RALGPS2: variants seen among roughly 807,000 people sequenced by gnomAD.
RALGPS2 encodes the protein Ral GEF with PH domain and SH3 binding motif 2.
RALGPS2 carries 43 observed loss-of-function variants against 86.8 expected under a neutral mutation model. The ratio of observed to expected loss-of-function variants is 0.50; its 90% CI spans 0.39 to 0.64. RALGPS2 has a LOEUF of 0.64. RALGPS2 is among the 30% of genes least tolerant of loss of function. The pLI is 0.00. For missense variants in RALGPS2, 536 were observed against 694.6 expected (o/e 0.77, Z 2.57); for synonymous variants, 243 against 231.3 (o/e 1.05, Z -0.46).
At chr1:178,823,394 G>GT (rs1370286421) in intron 7 of RALGPS2, among the ~76,000 whole-genome samples, 24 of 152,152 alleles carry the variant, frequency 1.6e-4, no homozygotes, top group African/African-American at 5.8e-4. Flanking sequence ...CTAACATTCT[G>GT]CTGGGGAAGA....
intron 8 of RALGPS2, among the ~76,000 whole-genome samples, chr1:178,833,854 C>T (rs12119236): frequency 0.47 from 70,656 of 151,796 alleles, 17,713 homozygotes; most frequent in African/African-American, 0.65. Context: ...TATAATAGTT[C>T]GTAATGATGT....
At chr1:178,820,766 G>A (rs1655458825) in intron 6 of RALGPS2, among the ~76,000 whole-genome samples, 1 of 152,078 alleles carries the variant, frequency 6.6e-6, no homozygotes, top group Non-Finnish European at 1.5e-5. Context: ...TTTCCAGTTA[G>A]ATTATATAAC....
intron 4 of RALGPS2, among the ~76,000 whole-genome samples, chr1:178,804,118 T>G (rs1654616063): frequency 6.6e-6 from 1 of 151,968 alleles, no homozygotes; most frequent in South Asian, 2.1e-4. Context: ...ATTGAAGTTT[T>G]GCATGTATCA....
intron 1 of RALGPS2, among the ~76,000 whole-genome samples, chr1:178,748,634 C>T (rs1293500854): frequency 1.3e-5 from 2 of 151,604 alleles, no homozygotes; most frequent in Non-Finnish European, 2.9e-5. Context: ...AGGTGGATCA[C>T]CTGAGGTCAG....
chr1:178,762,200 GGCT>G (rs1652277277), intron 1 of RALGPS2, among the ~76,000 whole-genome samples: 2 of 152,084 alleles, frequency 1.3e-5, no homozygotes. Context: ...TCTTTTTTAT[GGCT>G]GTGTAGTATT....
intron 7 of RALGPS2, among the ~76,000 whole-genome samples, chr1:178,824,000 TGAG>T (rs1655629759): frequency 6.6e-6 from 1 of 151,986 alleles, no homozygotes; most frequent in Admixed American, 6.6e-5. Flanking sequence ...ATTGGAAAAA[TGAG>T]GAGAAATCAA....
At chr1:178,864,993 T>C in intron 8 of RALGPS2, 2 of 1,471,278 alleles carry the variant, frequency 1.4e-6, no homozygotes, top group Non-Finnish European at 1.8e-6. Flanking sequence ...TTGAAAGGGC[T>C]TTTGGTGGGA....
intron 2 of RALGPS2, among the ~76,000 whole-genome samples, chr1:178,781,645 A>G (rs1028435696): frequency 6.6e-6 from 1 of 152,206 alleles, no homozygotes; most frequent in Non-Finnish European, 1.5e-5. Context: ...TTGATAAGCA[A>G]TAAAATTGTC....
At chr1:178,852,982 A>T (rs766524285) in intron 8 of RALGPS2, 1 of 1,581,006 alleles carries the variant, frequency 6.3e-7, no homozygotes, top group South Asian at 1.2e-5. Context: ...ACATGAGTGC[A>T]TAAATAAGTA....
chr1:178,878,966 A>G lies in RALGPS2; in HGVS notation c.810A>G (p.Gln270=). The change falls in exon 10 of 20, where the codon CAA becomes CAG. Residue 270 remains glutamine, a synonymous_variant. Transcript: ENST00000367635. Reference sequence around the variant, plus strand: ...CTGTTCAGTATATAGAAGAACTACAAAAATTTGTGGAAGACGATAATTACA... The same window carrying G: ...CTGTTCAGTATATAGAAGAACTACAGAAATTTGTGGAAGACGATAATTACA... ...LNSVQYIEEL[Q]KFVEDDNYKL... The G allele has an allele frequency of 6.2e-7, 1 of 1,612,572 alleles. No individual in the cohort carries two copies. Among genetic ancestry groups the G allele is most frequent in the Non-Finnish European group, 8.5e-7 (1 of 1,179,430 alleles).
intron 9 of RALGPS2, 35 bp from the exon 10 acceptor site, chr1:178,878,867 C>T (rs757905856): frequency 1.6e-5 from 25 of 1,604,124 alleles, no homozygotes; most frequent in South Asian, 5.6e-5. Context: ...TTAAGATGTA[C>T]TTTATCAGAT....
chr1:178,864,342 G>A (rs186501080), intron 8 of RALGPS2, among the ~76,000 whole-genome samples: 131 of 152,076 alleles, frequency 8.6e-4, no homozygotes, highest in Non-Finnish European at 5.3e-4. Context: ...TTTAGCCTTG[G>A]AAAATAGGAG....
At chr1:178,779,092 T>G (rs910887572) in intron 2 of RALGPS2, among the ~76,000 whole-genome samples, 2 of 152,192 alleles carry the variant, frequency 1.3e-5, no homozygotes, top group African/African-American at 2.4e-5. Context: ...CACTAAATTT[T>G]GGACCCATCT....
chr1:178,776,637 G>A, intron 1 of RALGPS2, 45 bp from the exon 2 acceptor site: 1 of 578,842 alleles, frequency 1.7e-6, no homozygotes, highest in Non-Finnish European at 2.8e-6. Flanking sequence ...TTGTTTTCTT[G>A]AACTTCGAGG....
intron 1 of RALGPS2, among the ~76,000 whole-genome samples, chr1:178,740,031 A>G (rs1650928985): frequency 6.6e-6 from 1 of 152,154 alleles, no homozygotes; most frequent in Non-Finnish European, 1.5e-5. Flanking sequence ...CAGTTGTGGT[A>G]CTCTTGAATG....
At chr1:178,747,750 G>A (rs1418894238) in intron 1 of RALGPS2, 5 of 1,078,120 alleles carry the variant, frequency 4.6e-6, no homozygotes, top group Non-Finnish European at 7.1e-6. Flanking sequence ...GATGGTGGTG[G>A]GCATGGCAGC....
chr1:178,882,039 C>T (rs1659278188), intron 10 of RALGPS2, among the ~76,000 whole-genome samples: 1 of 152,170 alleles, frequency 6.6e-6, no homozygotes, highest in South Asian at 2.1e-4. Flanking sequence ...TATTTTAATA[C>T]TGAACATATC....
chr1:178,785,188 C>G (rs2102129163), intron 3 of RALGPS2, among the ~76,000 whole-genome samples: 1 of 151,978 alleles, frequency 6.6e-6, no homozygotes, highest in Non-Finnish European at 1.5e-5. Flanking sequence ...GGAAGAAAAC[C>G]TTTTTAGTAA....
intron 17 of RALGPS2, among the ~76,000 whole-genome samples, chr1:178,901,381 C>T (rs145519051): frequency 0.018 from 2,776 of 152,074 alleles, 27 homozygotes; most frequent in Non-Finnish European, 0.025. Context: ...ACCATGTACA[C>T]GTCCTTATAC....
Sources: gnomAD v4.1 joint callset for allele counts (sites outside exome capture counted in the v4.1 genomes callset) on GRCh38, gnomAD v4.1.1 for gene constraint, MANE v1.5 for transcripts, NCBI Gene and HGNC (gene_info 2026-07-23, HGNC 2026-07-21) for gene names.